Variants in BCORL1 observed in about 807,000 individuals in gnomAD.
BCORL1 encodes BCL-6 corepressor-like protein 1.
A neutral mutation model predicts 87.6 loss-of-function variants in BCORL1; 7 were observed. The ratio of observed to expected loss-of-function variants is 0.08; its 90% CI spans 0.05 to 0.15. BCORL1 has a LOEUF of 0.15. Among genes scored for constraint, BCORL1 ranks in the 10% least tolerant of loss-of-function variants. The pLI is 1.00. For synonymous variants in BCORL1, 591 were observed against 634.4 expected, an observed-to-expected ratio of 0.93 and a Z score of 1.03; for missense variants, 1,215 against 1,499.7, an observed-to-expected ratio of 0.81 and a Z score of 3.13.
At chrX:130,050,840 G>T in intron 12 of BCORL1, 46 bp downstream of exon 12, 1 of 1,085,071 alleles carries the variant, frequency 9.2e-7, no homozygotes, top group Non-Finnish European at 1.3e-6. Context: ...TCAAGGACAG[G>T]AGTAGCCCTG....
intron 1 of BCORL1, among the ~76,000 whole-genome samples, chrX:129,999,508 A>G (rs780361573): frequency 4.7e-4 from 51 of 108,187 alleles, no homozygotes; most frequent in Admixed American, 3.5e-3. Context: ...GGGCTTTGCC[A>G]TGTTGCCCAG....
intron 5 of BCORL1, among the ~76,000 whole-genome samples, chrX:130,022,367 C>T (rs1360694023): frequency 2.8e-5 from 3 of 106,358 alleles, no homozygotes; most frequent in Non-Finnish European, 5.8e-5. Flanking sequence ...CCTTCCTCAG[C>T]CTCCCAAGTA....
intron 1 of BCORL1, among the ~76,000 whole-genome samples, chrX:130,001,469 G>A (rs1379845749): frequency 8.9e-6 from 1 of 111,962 alleles, no homozygotes; most frequent in African/African-American, 3.2e-5. Context: ...AAGCTAGAGA[G>A]GAGAATAAGA....
Position 130,013,837 on chromosome X carries a change from G to A in BCORL1, c.1065G>A (p.Val355=). 3.4e-6 allele frequency: 4 copies of A among 1,167,267 alleles called. No homozygotes were observed. The highest frequency in any genetic ancestry group is 4.6e-6 in the Non-Finnish European group (4 of 873,598). The change falls in exon 4 of 14, where the codon GTG becomes GTA. Residue 355 remains valine, a synonymous_variant. Coordinates refer to ENST00000540052, the MANE Select transcript of BCORL1 (RefSeq NM_001379451.1). The part of the protein sequence containing the change: ...TPPAAPAPPS[V]PMPTPTPSSG... Reference sequence around the variant, plus strand: ...CAGCGGCCCCTGCCCCTCCGTCTGTGCCCATGCCCACTCCAACCCCATCTT... The same window carrying A: ...CAGCGGCCCCTGCCCCTCCGTCTGTACCCATGCCCACTCCAACCCCATCTT...
intron 8 of BCORL1, among the ~76,000 whole-genome samples, chrX:130,033,735 C>A (rs962827351): frequency 8.9e-6 from 1 of 111,950 alleles, no homozygotes; most frequent in Non-Finnish European, 1.9e-5. Context: ...GTAATCCCAG[C>A]ACTTTGGGAG....
At chrX:129,991,210 T>C (rs1193767794) in intron 1 of BCORL1, among the ~76,000 whole-genome samples, 1 of 110,880 alleles carries the variant, frequency 9.0e-6, no homozygotes, top group African/African-American at 3.3e-5. Flanking sequence ...TCCTTCTCCT[T>C]GTTTCAAGTG....
At chrX:130,040,794 C>T (rs1422037938) in intron 11 of BCORL1, among the ~76,000 whole-genome samples, 10 of 112,039 alleles carry the variant, frequency 8.9e-5, no homozygotes, top group Admixed American at 3.8e-4. Flanking sequence ...GACACATACA[C>T]GTGTTATCTG....
intron 2 of BCORL1, among the ~76,000 whole-genome samples, chrX:130,007,181 C>A (rs1023025912): frequency 8.9e-6 from 1 of 111,898 alleles, no homozygotes; most frequent in East Asian, 2.8e-4. Flanking sequence ...CAGAATAGAC[C>A]TTTTTATTTT....
chrX:130,005,763 G>A (rs1183243240), intron 2 of BCORL1, among the ~76,000 whole-genome samples: 1 of 106,961 alleles, frequency 9.3e-6, no homozygotes, highest in African/African-American at 3.4e-5. Context: ...CCACATGCAA[G>A]CAACACCACG....
At chrX:130,029,796 G>A (rs1342005722) in intron 8 of BCORL1, among the ~76,000 whole-genome samples, 2 of 109,263 alleles carry the variant, frequency 1.8e-5, no homozygotes, top group Admixed American at 9.8e-5. Context: ...GATTACAGGC[G>A]CCCACCACCA....
chrX:130,034,788 C>A, intron 9 of BCORL1, 112 bp downstream of exon 9: 1 of 486,682 alleles, frequency 2.1e-6, no homozygotes, highest in Non-Finnish European at 3.1e-6. Context: ...CCCTCTACAC[C>A]CCAGATTGCC....
chrX:129,998,099 T>G (rs1294907462), intron 1 of BCORL1, among the ~76,000 whole-genome samples: 1 of 109,650 alleles, frequency 9.1e-6, no homozygotes, highest in Non-Finnish European at 1.9e-5. Context: ...ATCTTTTGAG[T>G]TTTTTCCCCC....
At position 130,050,757 on chromosome X, in the gene BCORL1, C is replaced by T. The variant is rs369829917; in HGVS notation, c.4881C>T (p.Pro1627=). ...SDLQGRAEGD[P]GVSWDFYSSS... ...TTCAGGGCCGGGCAGAGGGTGATCC[C>T]GGTGTATCCTGGGATTTTTACAGCA... The change falls in exon 12 of 14, where the codon CCC becomes CCT. Residue 1627 remains proline, a synonymous_variant. Coordinates refer to ENST00000540052, the MANE Select transcript of BCORL1 (RefSeq NM_001379451.1). 2.0e-5 allele frequency: 24 copies of T among 1,209,369 alleles called. No individual in the cohort carries two copies. In the African/African-American group the frequency reaches 2.3e-4, roughly 11 times the overall value.
Position 130,015,691 on chromosome X carries a change from C to G in BCORL1, c.2919C>G (p.Gly973=). The change falls in exon 4 of 14, where the codon GGC becomes GGG. Residue 973 remains glycine, a synonymous_variant. Transcript: ENST00000540052. ...PKMEGPQGAC[G]LKLAGDTKPK... is the part of the protein sequence containing the mutation. ...TGGAAGGCCCCCAGGGGGCTTGTGGCCTGAAGCTGGCAGGAGACACGAAGC... is the reference window on the plus strand; with the variant it reads ...TGGAAGGCCCCCAGGGGGCTTGTGGGCTGAAGCTGGCAGGAGACACGAAGC... The G allele has an allele frequency of 1.7e-6, 2 of 1,211,932 alleles. No individual in the cohort carries two copies. Among genetic ancestry groups the G allele is most frequent in the Non-Finnish European group, 2.2e-6 (2 of 895,577 alleles).
At chrX:130,054,001 T>C (rs980212239) in intron 13 of BCORL1, among the ~76,000 whole-genome samples, 9 of 111,950 alleles carry the variant, frequency 8.0e-5, no homozygotes, top group Admixed American at 2.9e-4. Flanking sequence ...GGATCGTGGG[T>C]CTGGTTAGAT....
intron 1 of BCORL1, among the ~76,000 whole-genome samples, chrX:129,995,999 G>A (rs993579100): frequency 9.0e-6 from 1 of 111,452 alleles, no homozygotes; most frequent in African/African-American, 3.3e-5. Flanking sequence ...CTTCTGGGCA[G>A]AAGTCATGGC....
chrX:130,016,242 G>T (rs1243003911), intron 4 of BCORL1, 29 bp downstream of exon 4: 17 of 1,160,397 alleles, frequency 1.5e-5, no homozygotes, highest in Non-Finnish European at 2.0e-5. Context: ...TCCAGGGTGG[G>T]GCCGAGATGC....
In BCORL1 at chrX:130,013,902, C is replaced by T. The variant is rs768067473; in HGVS notation, c.1130C>T (p.Ala377Val). The T allele has an allele frequency of 4.8e-5, 56 of 1,162,783 alleles. No individual in the cohort carries two copies. Among genetic ancestry groups the T allele is most frequent in the Non-Finnish European group, 5.6e-5 (49 of 871,214 alleles). ...PSTPTLIPAF[A>V]PTPVPAPTPA... ...ACCCCCACCCTCATCCCCGCCTTTG[C>T]TCCTACACCGGTGCCTGCACCCACC... is the stretch of plus-strand genomic sequence containing the variant. The change falls in exon 4 of 14, where the codon GCT becomes GTT. Residue 377 changes from alanine to valine, a missense_variant. Physicochemically the swap from Ala to Val is moderately conservative, Grantham distance 64. Coordinates refer to ENST00000540052, the MANE Select transcript of BCORL1 (RefSeq NM_001379451.1).
At chrX:130,008,550 A>G (rs1396500629) in intron 2 of BCORL1, among the ~76,000 whole-genome samples, 1 of 111,717 alleles carries the variant, frequency 9.0e-6, no homozygotes, top group Admixed American at 9.5e-5. Context: ...GATGTGAGCC[A>G]CCACGCCCGG....
Sources: gnomAD v4.1 joint callset for allele counts (sites outside exome capture counted in the v4.1 genomes callset) on GRCh38, gnomAD v4.1.1 for gene constraint, MANE v1.5 for transcripts, NCBI Gene and HGNC (gene_info 2026-07-23, HGNC 2026-07-21) for gene names.